FAM120C: variants seen among roughly 807,000 people sequenced by gnomAD.
FAM120C encodes family with sequence similarity 120 member C, also known as constitutive coactivator of PPAR-gamma-like protein 2.
FAM120C carries 14 observed loss-of-function variants against 71.2 expected under a neutral mutation model. That is an observed-to-expected ratio of 0.20 (90% CI 0.13 to 0.31). The LOEUF is 0.31. FAM120C is among the 10% of genes least tolerant of loss of function. FAM120C has a pLI of 1.00. For synonymous variants in FAM120C, 354 were observed against 353.2 expected (o/e 1.00, Z -0.03); for missense variants, 500 against 879.0 (o/e 0.57, Z 5.45).
chrX:54,145,243 G>A (rs2067148799), intron 4 of FAM120C, among the ~76,000 whole-genome samples: 1 of 111,957 alleles, frequency 8.9e-6, no homozygotes, highest in Admixed American at 9.6e-5. Context: ...TACCATTCAG[G>A]ACATAGGCAT....
intron 10 of FAM120C, among the ~76,000 whole-genome samples, chrX:54,097,616 G>A (rs782741346): frequency 2.4e-4 from 27 of 111,542 alleles, no homozygotes; most frequent in African/African-American, 4.9e-4. Context: ...ATATTTCCCC[G>A]TTTAGTCTTT....
rs896548663 is a variant in FAM120C at position 54,082,540 on chromosome X, C to G, written c.2840-1080G>C. ...TCTCCTGCCTCAGCCTCCTGAGTAGCTGGGACTACAGGCACATGCCACCAT... is the reference window on the plus strand; with the variant it reads ...TCTCCTGCCTCAGCCTCCTGAGTAGGTGGGACTACAGGCACATGCCACCAT... On this transcript the variant is annotated intron_variant, in intron 13 of 15. Transcript: ENST00000375180. 1.0e-4 allele frequency among the ~76,000 whole-genome samples: 11 copies of G among 109,502 alleles called. No individual in the cohort carries two copies. In the East Asian group the frequency reaches 2.7e-3, roughly 27 times the overall value.
chrX:54,117,937 A>G (rs371039321), intron 9 of FAM120C, among the ~76,000 whole-genome samples: 7 of 111,709 alleles, frequency 6.3e-5, no homozygotes, highest in African/African-American at 2.3e-4. Flanking sequence ...AGATTCACAA[A>G]GGCAGGCTGG....
At chrX:54,088,197 A>G (rs1978975307) in intron 11 of FAM120C, among the ~76,000 whole-genome samples, 1 of 111,262 alleles carries the variant, frequency 9.0e-6, no homozygotes, top group Non-Finnish European at 1.9e-5. Context: ...TCACCTGTCC[A>G]ATTAGAAAAA....
chrX:54,178,170 G>A (rs1421925753), intron 1 of FAM120C, among the ~76,000 whole-genome samples: 1 of 112,260 alleles, frequency 8.9e-6, no homozygotes, highest in Non-Finnish European at 1.9e-5. Context: ...CATGCTGTAA[G>A]TGAAAGAAAC....
At chrX:54,129,913 G>C (rs1557128996) in intron 9 of FAM120C, among the ~76,000 whole-genome samples, 1 of 109,379 alleles carries the variant, frequency 9.1e-6, no homozygotes, top group African/African-American at 3.3e-5. Flanking sequence ...GCAGGCACTC[G>C]GCAGGCTGAG....
chrX:54,106,953 G>C (rs1310431882), intron 10 of FAM120C, among the ~76,000 whole-genome samples: 1 of 111,892 alleles, frequency 8.9e-6, no homozygotes, highest in East Asian at 2.8e-4. Flanking sequence ...CTGTTGGTGG[G>C]AGTGTAAATT....
chrX:54,113,248 G>A (rs1453483080), intron 10 of FAM120C, among the ~76,000 whole-genome samples: 1 of 109,684 alleles, frequency 9.1e-6, no homozygotes, highest in Non-Finnish European at 1.9e-5. Context: ...GATCACCTGA[G>A]GTCAGGAGTT....
intron 14 of FAM120C, 146 bp downstream of exon 14, chrX:54,081,176 A>C: frequency 1.8e-6 from 1 of 553,825 alleles, no homozygotes. Context: ...CCCATCTCAA[A>C]AAGAGAAAGA....
At chrX:54,130,539 A>G (rs1172538054) in intron 9 of FAM120C, among the ~76,000 whole-genome samples, 1 of 111,331 alleles carries the variant, frequency 9.0e-6, no homozygotes, top group Non-Finnish European at 1.9e-5. Context: ...AACCTTGTGT[A>G]TTAGTAGGCC....
At chrX:54,113,416 C>T (rs781971084) in intron 10 of FAM120C, among the ~76,000 whole-genome samples, 10 of 107,786 alleles carry the variant, frequency 9.3e-5, no homozygotes, top group East Asian at 5.9e-4. Context: ...GCCAAGATCA[C>T]GCCACTGCAC....
rs189062787 is a variant in FAM120C at position 54,108,606 on chromosome X, T to C, written c.2312+7939A>G. 9.9e-5 allele frequency among the ~76,000 whole-genome samples: 11 copies of C among 111,328 alleles called. No homozygotes were observed. The East Asian group carries it at 3.1e-3, about 32-fold the overall frequency. On this transcript the variant is annotated intron_variant, in intron 10 of 15. Transcript: ENST00000375180. ...TAATGGGCAGTGAAACAAAATAGAA[T>C]CCATGAATGAACTTATACAGATATA...
chrX:54,118,316 T>C (rs1037883258), intron 9 of FAM120C, among the ~76,000 whole-genome samples: 6 of 111,234 alleles, frequency 5.4e-5, no homozygotes, highest in Non-Finnish European at 1.1e-4. Flanking sequence ...ATTCTTTTTT[T>C]TGCTGAGTAA....
In FAM120C at chrX:54,072,770, A is replaced by G. The variant is rs1464512315; in HGVS notation, c.*263T>C. 1.4e-5 allele frequency: 4 copies of G among 279,531 alleles called. No homozygotes were observed. The highest frequency in any genetic ancestry group is 2.5e-5 in the Non-Finnish European group (4 of 158,940). The allele number at this position is 279,531 out of a possible 1,213,427, so 23.0% of individuals were successfully genotyped here. On this transcript the variant is annotated 3_prime_UTR_variant, in exon 16 of 16. Transcript: ENST00000375180. ...GGCTCCCAGAGGAGATAAATAAACT[A>G]TTGGTGCTATATCTTCAATTTGAGA...
chrX:54,118,564 A>G (rs1557127041), intron 9 of FAM120C, among the ~76,000 whole-genome samples: 2 of 109,371 alleles, frequency 1.8e-5, no homozygotes, highest in Admixed American at 9.9e-5. Flanking sequence ...TTACATTCCC[A>G]CCAGCATTTA....
At chrX:54,136,943 T>TA (rs1557130695) in intron 4 of FAM120C, among the ~76,000 whole-genome samples, 1 of 107,686 alleles carries the variant, frequency 9.3e-6, no homozygotes, top group Non-Finnish European at 1.9e-5. Context: ...ATTTTATTAT[T>TA]TTATTATTAT....
intron 4 of FAM120C, among the ~76,000 whole-genome samples, chrX:54,148,155 T>C (rs1557132599): frequency 1.8e-5 from 2 of 111,565 alleles, no homozygotes; most frequent in Non-Finnish European, 3.8e-5. Context: ...CAAAAGATGC[T>C]GTTAAAAGAA....
intron 11 of FAM120C, among the ~76,000 whole-genome samples, chrX:54,089,059 T>C (rs1264668814): frequency 3.6e-5 from 4 of 110,838 alleles, no homozygotes; most frequent in Non-Finnish European, 7.5e-5. Context: ...CAAAAAAACC[T>C]CTTTTCTTTA....
Position 54,127,528 on chromosome X carries a change from T to C in FAM120C, c.2062+5164A>G, listed in dbSNP as rs782571569. Reference sequence around the variant, plus strand: ...ATGGTGTGAACCCGGGAGGTGGAGCTTGCAGTGAGCCGAGATTGTGCCACT... The same window carrying C: ...ATGGTGTGAACCCGGGAGGTGGAGCCTGCAGTGAGCCGAGATTGTGCCACT... On this transcript the variant is annotated intron_variant, in intron 9 of 15. Coordinates refer to ENST00000375180, the MANE Select transcript of FAM120C (RefSeq NM_017848.6). Among the ~76,000 whole-genome samples, 973 of 101,414 alleles carry C rather than the reference T, an allele frequency of 9.6e-3. 15 individuals are homozygous for C. Among genetic ancestry groups the C allele is most frequent in the Non-Finnish European group, 0.013 (654 of 50,047 alleles). The allele number at this position is 101,414 out of a possible 115,157, so 88.1% of individuals were successfully genotyped here.
Sources: gnomAD v4.1 joint callset for allele counts (sites outside exome capture counted in the v4.1 genomes callset) on GRCh38, gnomAD v4.1.1 for gene constraint, MANE v1.5 for transcripts, NCBI Gene and HGNC (gene_info 2026-07-23, HGNC 2026-07-21) for gene names.